Variants in AOPEP observed in about 807,000 individuals in gnomAD.
The protein encoded by AOPEP is aminopeptidase O (putative).
A neutral mutation model predicts 98.1 loss-of-function variants in AOPEP; 77 were observed. The observed-to-expected ratio is 0.78, with a 90% CI of 0.65 to 0.95. AOPEP has a LOEUF of 0.95. Ranked by LOEUF, AOPEP falls within the 40% of genes least tolerant of loss-of-function variation. The pLI is 0.00. For synonymous variants in AOPEP, 346 were observed against 365.3 expected (o/e 0.95, Z 0.60); for missense variants, 1,024 against 1,024.7 (o/e 1.00, Z 0.01).
chr9:95,089,955 A>T (rs972980713), downstream of AOPEP, among the ~76,000 whole-genome samples: 1 of 152,250 alleles, frequency 6.6e-6, no homozygotes, highest in African/African-American at 2.4e-5. Context: ...CCCACAAGAC[A>T]CATCAGCTTC....
chr9:94,773,892 A>C (rs1012806846), intron 3 of AOPEP, among the ~76,000 whole-genome samples: 1 of 152,036 alleles, frequency 6.6e-6, no homozygotes, highest in African/African-American at 2.4e-5. Flanking sequence ...CATCCTGCCA[A>C]GTAGGTGGAA....
At chr9:94,743,495 ATAACCT>A (rs1268593888) in intron 1 of AOPEP, among the ~76,000 whole-genome samples, 1 of 152,270 alleles carries the variant, frequency 6.6e-6, no homozygotes, top group Non-Finnish European at 1.5e-5. Flanking sequence ...AGAAAAGGTT[ATAACCT>A]TCTGGTCAGA....
intron 5 of AOPEP, among the ~76,000 whole-genome samples, chr9:94,854,513 T>TC (rs1342819697): frequency 6.6e-6 from 1 of 152,216 alleles, no homozygotes; most frequent in Non-Finnish European, 1.5e-5. Flanking sequence ...TCTTCTGGTT[T>TC]CCAGCTGTAT....
chr9:94,891,663 A>G (rs1338338385), intron 5 of AOPEP, among the ~76,000 whole-genome samples: 1 of 152,150 alleles, frequency 6.6e-6, no homozygotes, highest in Non-Finnish European at 1.5e-5. Flanking sequence ...CTCACTTCTG[A>G]AATATATTTT....
At chr9:94,925,031 G>A (rs879692228) in intron 6 of AOPEP, among the ~76,000 whole-genome samples, 4 of 152,242 alleles carry the variant, frequency 2.6e-5, no homozygotes, top group Non-Finnish European at 4.4e-5. Flanking sequence ...TAGCTCTGTC[G>A]CCCAGGCTGG....
At chr9:94,902,883 C>T (rs532027598) in intron 5 of AOPEP, among the ~76,000 whole-genome samples, 1 of 151,992 alleles carries the variant, frequency 6.6e-6, no homozygotes, top group African/African-American at 2.4e-5. Context: ...TGGAGAAACC[C>T]TGTCTCTACT....
At chr9:94,977,180 G>C (rs539570877) in intron 10 of AOPEP, among the ~76,000 whole-genome samples, 4 of 152,166 alleles carry the variant, frequency 2.6e-5, no homozygotes, top group Admixed American at 2.6e-4. Flanking sequence ...ATTTTATAAA[G>C]TGCATTGAAA....
rs1011602731 is a variant in AOPEP at position 94,777,161 on chromosome 9, G to A, written c.964+3993G>A. ...CAGAAAACTAATGTTAAGGCTGGGC[G>A]GGGTGGCTCACGCCTGTAATCCCAG... On this transcript the variant is annotated intron_variant, in intron 3 of 16. Transcript: ENST00000375315. 5.9e-5 allele frequency among the ~76,000 whole-genome samples: 9 copies of A among 152,136 alleles called. No homozygotes were observed. In the East Asian group the frequency reaches 7.8e-4, roughly 13 times the overall value.
intron 7 of AOPEP, chr9:94,928,818 C>T (rs1481029995): frequency 3.0e-6 from 1 of 334,546 alleles, no homozygotes; most frequent in Non-Finnish European, 5.5e-6. Flanking sequence ...GTGGTGGCTG[C>T]GGATGTGGCG....
chr9:94,960,412 GA>G (rs771958751), intron 9 of AOPEP, among the ~76,000 whole-genome samples: 315 of 132,346 alleles, frequency 2.4e-3, no homozygotes, highest in Non-Finnish European at 2.3e-3. Flanking sequence ...CCATCTCAGG[GA>G]AAAAAAAAAA....
intron 5 of AOPEP, among the ~76,000 whole-genome samples, chr9:94,854,119 TA>T (rs2043896891): frequency 6.6e-6 from 1 of 152,130 alleles, no homozygotes; most frequent in Non-Finnish European, 1.5e-5. Flanking sequence ...TGGCAACCAG[TA>T]AGAAAGGACA....
intron 5 of AOPEP, among the ~76,000 whole-genome samples, chr9:94,822,931 G>T (rs113324792): frequency 2.0e-4 from 31 of 152,166 alleles, no homozygotes; most frequent in African/African-American, 6.7e-4. Context: ...TTCCCTGCCT[G>T]TGGAGCCTGC....
chr9:95,024,252 A>G (rs982858230), intron 13 of AOPEP, among the ~76,000 whole-genome samples: 9 of 152,202 alleles, frequency 5.9e-5, no homozygotes, highest in African/African-American at 1.9e-4. Context: ...ATGAGAGAGA[A>G]CGTAGGATAG....
At chr9:95,017,934 G>A (rs1226342748) in intron 13 of AOPEP, among the ~76,000 whole-genome samples, 1 of 152,182 alleles carries the variant, frequency 6.6e-6, no homozygotes, top group Non-Finnish European at 1.5e-5. Context: ...TGTAAAGTTT[G>A]AGCTCCAGTG....
At chr9:95,017,182 T>C (rs530248336) in intron 13 of AOPEP, among the ~76,000 whole-genome samples, 1 of 152,208 alleles carries the variant, frequency 6.6e-6, no homozygotes, top group African/African-American at 2.4e-5. Context: ...CTGTTTTTTT[T>C]TCTCCCTAAC....
intron 11 of AOPEP, among the ~76,000 whole-genome samples, chr9:94,997,112 G>T (rs16911899): frequency 0.041 from 6,223 of 152,176 alleles, 435 homozygotes; most frequent in African/African-American, 0.14. Flanking sequence ...TGCACTTTTC[G>T]CTAAGGACCC....
rs547713869 is a variant in AOPEP at position 94,930,839 on chromosome 9, G to A, written c.1661+2308G>A. Among the ~76,000 whole-genome samples, 2 of 152,226 alleles carry A rather than the reference G, an allele frequency of 1.3e-5. No homozygotes were observed. Among genetic ancestry groups the A allele is most frequent in the South Asian group, 4.1e-4 (2 of 4,822 alleles). On this transcript the variant is annotated intron_variant, in intron 7 of 16. Transcript: ENST00000375315. The surrounding 1 kb of genome is among the most constrained non-coding windows in gnomAD (Gnocchi z 4.5). ...AACTGTAGGCTCTGTGAGAGGGGGT[G>A]TGTTGGCCCAGGAAGCGAGACTGGG...
chr9:94,729,305 T>A (rs577191874), intron 1 of AOPEP, among the ~76,000 whole-genome samples: 2 of 152,252 alleles, frequency 1.3e-5, no homozygotes, highest in East Asian at 3.9e-4. Context: ...GGGGGCACTG[T>A]GGCTCACTCA....
intron 5 of AOPEP, among the ~76,000 whole-genome samples, chr9:94,876,665 G>A (rs937079338): frequency 1.6e-4 from 25 of 151,904 alleles, no homozygotes; most frequent in African/African-American, 5.6e-4. Flanking sequence ...GCACCTAGCC[G>A]TGTTCCCTTC....
Sources: allele counts gnomAD v4.1 joint callset (sites outside exome capture counted in the v4.1 genomes callset), GRCh38; gene constraint gnomAD v4.1.1; non-coding constraint Gnocchi (gnomAD v3.1); transcripts MANE v1.5; gene names NCBI Gene and HGNC (gene_info 2026-07-23, HGNC 2026-07-21).